Variants in SH3BGR observed in about 807,000 individuals in gnomAD.
SH3BGR encodes SH3 domain binding glutamate rich protein.
Under a neutral mutation model 24.5 loss-of-function variants are expected in SH3BGR, and 29 were observed. That is an observed-to-expected ratio of 1.18 (90% confidence interval 0.88 to 1.61). The LOEUF (loss-of-function observed/expected upper bound fraction) is 1.61. Ranked by LOEUF, SH3BGR falls within the 40% of genes most tolerant of loss-of-function variation. SH3BGR has a pLI of 0.00. For synonymous variants in SH3BGR, 55 were observed against 65.7 expected (o/e 0.84, Z 0.79); for missense variants, 162 against 205.8 (o/e 0.79, Z 1.30).
At position 39,500,993 on chromosome 21, in the gene SH3BGR, G is replaced by C. The variant is rs188415018; in HGVS notation, c.405+1078G>C. Reference sequence around the variant, plus strand: ...CTCTGAAGTTTTTGTTTTAAAGAAAGACAAAATCTTCAATCTTGACCTAGA... The same window carrying C: ...CTCTGAAGTTTTTGTTTTAAAGAAACACAAAATCTTCAATCTTGACCTAGA... On this transcript the variant is annotated intron_variant, in intron 4 of 6. Transcript: ENST00000333634. Among the ~76,000 whole-genome samples, 261 of 152,276 alleles carry C rather than the reference G, an allele frequency of 1.7e-3. 1 individual carries two copies. The highest frequency in any genetic ancestry group is 6.1e-3 in the African/African-American group (254 of 41,574).
chr21:39,451,120 C>T (rs2077569471), upstream of SH3BGR, among the ~76,000 whole-genome samples: 1 of 152,146 alleles, frequency 6.6e-6, no homozygotes, highest in Non-Finnish European at 1.5e-5. Context: ...TGCCCCGGAC[C>T]TTCTCTAACT....
At chr21:39,456,625 A>AT (rs112620265) in intron 1 of SH3BGR, among the ~76,000 whole-genome samples, 28,708 of 152,002 alleles carry the variant, frequency 0.19, 2,875 homozygotes, top group Middle Eastern at 0.27. Context: ...TAGCAGATCT[A>AT]GTGCCAGGCA....
chr21:39,462,165 T>C (rs1194158965), intron 1 of SH3BGR, among the ~76,000 whole-genome samples: 1 of 152,168 alleles, frequency 6.6e-6, no homozygotes, highest in African/African-American at 2.4e-5. Context: ...TATAATAATT[T>C]AAGCATTGAT....
intron 2 of SH3BGR, among the ~76,000 whole-genome samples, chr21:39,468,801 A>G (rs913789402): frequency 2.0e-5 from 3 of 152,180 alleles, no homozygotes; most frequent in Non-Finnish European, 4.4e-5. Context: ...ATAGTTTACT[A>G]TGACACATGT....
intron 4 of SH3BGR, among the ~76,000 whole-genome samples, chr21:39,507,400 C>T (rs1225937719): frequency 6.6e-6 from 1 of 152,170 alleles, no homozygotes; most frequent in Admixed American, 6.5e-5. Context: ...GTGGCGCAAT[C>T]TTGACTCACC....
chr21:39,511,801 C>T lies in SH3BGR; in HGVS notation c.*26C>T, dbSNP rs2078701134. The T allele has an allele frequency of 6.2e-7, 1 of 1,606,554 alleles. No homozygotes were observed. Among genetic ancestry groups the T allele is most frequent in the Admixed American group, 1.7e-5 (1 of 57,962 alleles). The stretch of plus-strand genomic sequence containing the variant: ...GCCTTTTCATGCTTCATTTCTTCCA[C>T]TTCTCCAGGTAGCTACAGGATTCTG... On this transcript the variant is annotated 3_prime_UTR_variant, in exon 6 of 7. Transcript: ENST00000333634. The surrounding 1 kb of genome is among the most constrained non-coding windows in gnomAD (Gnocchi z 4.2).
At position 39,475,145 on chromosome 21, in the gene SH3BGR, C is replaced by G. The variant is rs188863077; in HGVS notation, c.242C>G (p.Ser81Cys). 3.0e-5 allele frequency: 48 copies of G among 1,607,092 alleles called. No individual in the cohort carries two copies. The East Asian group carries it at 1.1e-3, about 36-fold the overall frequency. ...NEEQYCGDFD[S>C]FFSAKEENII... Reference sequence around the variant, plus strand: ...TTTCTTTGCTTCAAGGATTTTGACTCTTTCTTCTCTGCAAAAGAAGAGAAT... The same window carrying G: ...TTTCTTTGCTTCAAGGATTTTGACTGTTTCTTCTCTGCAAAAGAAGAGAAT... Residue 81 changes from serine (S) to cysteine (C), a missense_variant, in exon 3 of 7, where the codon TCT becomes TGT. Coordinates refer to ENST00000333634, the MANE Select transcript of SH3BGR (RefSeq NM_007341.3).
intron 2 of SH3BGR, among the ~76,000 whole-genome samples, chr21:39,463,388 C>T (rs2077788050): frequency 6.6e-6 from 1 of 152,046 alleles, no homozygotes; most frequent in African/African-American, 2.4e-5. Flanking sequence ...TAAATCAAGT[C>T]GTTGGAAAGA....
In SH3BGR at chr21:39,452,148, G is replaced by T; in HGVS notation, c.45+7G>T. 6.2e-7 allele frequency: 1 copy of T among 1,614,140 alleles called. No homozygotes were observed. Among genetic ancestry groups the T allele is most frequent in the Non-Finnish European group, 8.5e-7 (1 of 1,180,012 alleles). Reference sequence around the variant, plus strand: ...ATCTTCTGGGTCCATAGCGGTAGGTGTCTGGTGGACTCTTTCTTCCTATAC... The same window carrying T: ...ATCTTCTGGGTCCATAGCGGTAGGTTTCTGGTGGACTCTTTCTTCCTATAC... On this transcript the variant is annotated splice_region_variant and intron_variant, in intron 1 of 6. Coordinates refer to ENST00000333634, the MANE Select transcript of SH3BGR (RefSeq NM_007341.3).
chr21:39,449,916 T>TTTG (rs2077553779), upstream of SH3BGR, among the ~76,000 whole-genome samples: 1 of 152,174 alleles, frequency 6.6e-6, no homozygotes, highest in South Asian at 2.1e-4. Context: ...TTAGCTGTTA[T>TTTG]TTGAGTAGGA....
intron 1 of SH3BGR, among the ~76,000 whole-genome samples, chr21:39,461,780 C>CT (rs1418365169): frequency 1.3e-5 from 2 of 152,066 alleles, no homozygotes; most frequent in Admixed American, 1.3e-4. Context: ...ACCTAGGACT[C>CT]CTATGGAGTC....
chr21:39,478,559 G>A (rs1390562727), intron 3 of SH3BGR, among the ~76,000 whole-genome samples: 4 of 152,216 alleles, frequency 2.6e-5, no homozygotes, highest in African/African-American at 9.6e-5. Context: ...GGAAGGTCAT[G>A]TGCCTTGGCT....
chr21:39,510,462 T>TACACAC (rs148597054), intron 5 of SH3BGR, among the ~76,000 whole-genome samples: 1,132 of 112,404 alleles, frequency 0.01, 11 homozygotes, highest in Middle Eastern at 0.036. Context: ...ACACTGTAGC[T>TACACAC]ACACACACAC....
In SH3BGR at chr21:39,511,403, GTGTC is replaced by G. The variant is rs969131404; in HGVS notation, c.436-274_436-271del. Among the ~76,000 whole-genome samples, 9 of 150,056 alleles carry G rather than the reference GTGTC, an allele frequency of 6.0e-5. No homozygotes were observed. Among genetic ancestry groups the G allele is most frequent in the East Asian group, 3.9e-4 (2 of 5,078 alleles). ...GTATGTGGTGTGTGTGCGTGGATGT[GTGTC>G]TGGGTGGTGTGTGGGGGGGTGTGTG... is the stretch of plus-strand genomic sequence containing the variant. On this transcript the variant is annotated intron_variant, in intron 5 of 6. Transcript: ENST00000333634. The surrounding 1 kb of genome is among the most constrained non-coding windows in gnomAD (Gnocchi z 4.2).
rs1003678448 is a variant in SH3BGR at position 39,499,260 on chromosome 21, GTCTA to G, written c.313-559_313-556del. Among the ~76,000 whole-genome samples the G allele has an allele frequency of 2.9e-3, 441 of 151,628 alleles. 5 individuals carry two copies. The highest frequency in any genetic ancestry group is 0.027 in the Admixed American group (410 of 15,240). On this transcript the variant is annotated intron_variant, in intron 3 of 6. Coordinates refer to ENST00000333634, the MANE Select transcript of SH3BGR (RefSeq NM_007341.3). ...CCATCCATCCACCTATCTATCATCT[GTCTA>G]TCTGTCTATCTATCTATGTCTGTCT...
intron 2 of SH3BGR, among the ~76,000 whole-genome samples, chr21:39,465,314 A>G (rs2077822799): frequency 6.6e-6 from 1 of 152,288 alleles, no homozygotes; most frequent in Non-Finnish European, 1.5e-5. Context: ...AGGGCTCTGT[A>G]CTTGTTTAAT....
At chr21:39,501,375 C>T (rs554406037) in intron 4 of SH3BGR, among the ~76,000 whole-genome samples, 20 of 152,238 alleles carry the variant, frequency 1.3e-4, no homozygotes, top group Non-Finnish European at 2.1e-4. Flanking sequence ...GATGAATCAC[C>T]CAGCTTGGAC....
chr21:39,477,890 G>A (rs2078053624), intron 3 of SH3BGR, among the ~76,000 whole-genome samples: 1 of 152,184 alleles, frequency 6.6e-6, no homozygotes, highest in Non-Finnish European at 1.5e-5. Flanking sequence ...CAAATAAAGT[G>A]TATATTTACC....
At chr21:39,503,329 C>T (rs2078528008) in intron 4 of SH3BGR, among the ~76,000 whole-genome samples, 1 of 152,198 alleles carries the variant, frequency 6.6e-6, no homozygotes, top group South Asian at 2.1e-4. Flanking sequence ...GGTGACATCT[C>T]ATCTAGCCTT....
Sources: allele counts gnomAD v4.1 joint callset (sites outside exome capture counted in the v4.1 genomes callset), GRCh38; gene constraint gnomAD v4.1.1; non-coding constraint Gnocchi (gnomAD v3.1); transcripts MANE v1.5; gene names NCBI Gene and HGNC (gene_info 2026-07-23, HGNC 2026-07-21).